The following DZIP3 variants were observed in gnomAD, a reference collection of about 807,000 sequenced individuals.
DZIP3 encodes the protein E3 ubiquitin-protein ligase DZIP3.
DZIP3 carries 118 observed loss-of-function variants against 162.0 expected under a neutral mutation model. The observed-to-expected ratio is 0.73, with a 90% CI of 0.63 to 0.85. DZIP3 has a LOEUF of 0.85. Ranked by LOEUF, DZIP3 falls within the 40% of genes least tolerant of loss-of-function variation. The pLI, the probability that DZIP3 is intolerant of heterozygous loss-of-function variation, is 0.00. For synonymous variants in DZIP3, 438 were observed against 458.6 expected, an observed-to-expected ratio of 0.96 and a Z score of 0.57; for missense variants, 1,331 against 1,407.0, an observed-to-expected ratio of 0.95 and a Z score of 0.86.
At chr3:108,660,653 T>C (rs1943377998) in intron 19 of DZIP3, among the ~76,000 whole-genome samples, 2 of 151,990 alleles carry the variant, frequency 1.3e-5, no homozygotes, top group Non-Finnish European at 2.9e-5. Context: ...CTAATTAAAC[T>C]AAAGAGCTTC....
chr3:108,688,663 C>T lies in DZIP3; in HGVS notation c.3341C>T (p.Ala1114Val), dbSNP rs750995032. The T allele has an allele frequency of 1.1e-5, 17 of 1,614,142 alleles. No individual in the cohort carries two copies. The highest frequency in any genetic ancestry group is 1.3e-5 in the Non-Finnish European group (15 of 1,180,006). ...PSHSPSQPDA[A>V]QPPKPAWRPL... is the part of the protein sequence containing the mutation. ...CATTCTCCATCACAGCCTGATGCTG[C>T]CCAGCCCCCAAAACCAGCCTGGAGG... Residue 1114 changes from alanine to valine, a missense_variant, in exon 30 of 33, where the codon GCC becomes GTC. Physicochemically the swap from Ala to Val is moderately conservative, Grantham distance 64. Around this residue, in one of 2 missense-constraint regions of DZIP3, gnomAD observed 1,278 missense variants for 1,317.1 expected, o/e 0.97. Coordinates refer to ENST00000361582, the MANE Select transcript of DZIP3 (RefSeq NM_014648.4).
intron 10 of DZIP3, among the ~76,000 whole-genome samples, chr3:108,636,272 T>G (rs1236303704): frequency 3.3e-5 from 5 of 151,968 alleles, no homozygotes; most frequent in Non-Finnish European, 7.4e-5. Flanking sequence ...ATTCTTTCCT[T>G]TTCCCTAGAA....
At chr3:108,609,543 A>G (rs1362752403) in intron 3 of DZIP3, among the ~76,000 whole-genome samples, 1 of 152,194 alleles carries the variant, frequency 6.6e-6, no homozygotes, top group Non-Finnish European at 1.5e-5. Context: ...ACTAACTTAA[A>G]TTAAAAGTGT....
At chr3:108,667,315 C>CA (rs1315939805) in intron 21 of DZIP3, among the ~76,000 whole-genome samples, 1 of 152,094 alleles carries the variant, frequency 6.6e-6, no homozygotes, top group African/African-American at 2.4e-5. Context: ...CGGAATGAAA[C>CA]AGTGATATGT....
chr3:108,654,948 C>T (rs1253416867), intron 19 of DZIP3, among the ~76,000 whole-genome samples: 1 of 152,160 alleles, frequency 6.6e-6, no homozygotes, highest in Non-Finnish European at 1.5e-5. Context: ...TAGGAATACT[C>T]ATTGTCTAAG....
intron 26 of DZIP3, 50 bp downstream of exon 26, chr3:108,677,648 G>A: frequency 6.6e-7 from 1 of 1,505,526 alleles, no homozygotes; most frequent in Middle Eastern, 1.7e-4. Context: ...TTGACAAAAT[G>A]GTAAGGGCTG....
intron 24 of DZIP3, 133 bp downstream of exon 24, chr3:108,674,314 T>G (rs1189126447): frequency 2.9e-6 from 2 of 695,770 alleles, no homozygotes; most frequent in Non-Finnish European, 2.2e-6. Flanking sequence ...GTGGTTTTTT[T>G]GGGTTTTTTT....
chr3:108,686,466 C>T lies in DZIP3; in HGVS notation c.3031C>T (p.Leu1011=). Residue 1011 remains leucine (L), a synonymous_variant, in exon 28 of 33, where the codon CTG becomes TTG. Coordinates refer to ENST00000361582, the MANE Select transcript of DZIP3 (RefSeq NM_014648.4). ...ACAGATGACTGGCATAGCCTGGGCT[C>T]TGCCAGCGCCTGTGGGAGACGCTGT... ...APLMTGIAWA[L]PAPVGDAVPP... The T allele has an allele frequency of 1.9e-6, 3 of 1,601,486 alleles. No homozygotes were observed. The highest frequency in any genetic ancestry group is 2.6e-6 in the Non-Finnish European group (3 of 1,175,938).
At chr3:108,593,317 T>G (rs1325294110) in intron 1 of DZIP3, among the ~76,000 whole-genome samples, 2 of 152,132 alleles carry the variant, frequency 1.3e-5, no homozygotes, top group Non-Finnish European at 2.9e-5. Context: ...ATGAAAAAAC[T>G]AAGATAGGAA....
intron 1 of DZIP3, among the ~76,000 whole-genome samples, chr3:108,602,091 C>A (rs1163606087): frequency 1.3e-5 from 2 of 152,068 alleles, no homozygotes; most frequent in Non-Finnish European, 2.9e-5. Context: ...ATTTTGGTAA[C>A]ATTTTAGTCA....
rs149281649 is a variant in DZIP3 at position 108,654,148 on chromosome 3, A to G, written c.2037A>G (p.Pro679=). Reference sequence around the variant, plus strand: ...ATTGATTATGTCACGACTACAGCCCATATGTGGTAGAAAAGGAAGAGCAGT... The same window carrying G: ...ATTGATTATGTCACGACTACAGCCCGTATGTGGTAGAAAAGGAAGAGCAGT... ...KNKDSKEDQV[P]YVVEKEEQLR... The change falls in exon 19 of 33, where the codon CCA becomes CCG. Residue 679 remains proline (P), a synonymous_variant. Transcript: ENST00000361582. The G allele has an allele frequency of 1.1e-3, 1,737 of 1,613,086 alleles. 1 individual carries two copies. Among genetic ancestry groups the G allele is most frequent in the Admixed American group, 1.5e-3 (92 of 60,016 alleles).
chr3:108,623,426 G>T (rs1941458559), intron 5 of DZIP3, among the ~76,000 whole-genome samples: 1 of 152,130 alleles, frequency 6.6e-6, no homozygotes, highest in Non-Finnish European at 1.5e-5. Context: ...CAAGGCAGTG[G>T]ATTCATTTCT....
At chr3:108,643,844 AT>A (rs1465066838) in intron 13 of DZIP3, among the ~76,000 whole-genome samples, 2 of 152,090 alleles carry the variant, frequency 1.3e-5, no homozygotes, top group Non-Finnish European at 2.9e-5. Flanking sequence ...AAATTTCAGA[AT>A]TTTTAAAGAC....
At chr3:108,658,290 C>T (rs1221576461) in intron 19 of DZIP3, among the ~76,000 whole-genome samples, 1 of 152,236 alleles carries the variant, frequency 6.6e-6, no homozygotes, top group Non-Finnish European at 1.5e-5. Context: ...AACAAACTGT[C>T]TCTCAGACCA....
Position 108,688,658 on chromosome 3 carries a change from T to TGGAGTGGCCTCCAG in DZIP3, c.3337_3338insGAGTGGCCTCCAGG (p.Ala1113GlyfsTer42). 1 of 1,614,210 alleles carries TGGAGTGGCCTCCAG rather than the reference T, an allele frequency of 6.2e-7. No individual in the cohort carries two copies. Among genetic ancestry groups the TGGAGTGGCCTCCAG allele is most frequent in the Non-Finnish European group, 8.5e-7 (1 of 1,180,024 alleles). On this transcript the variant is annotated frameshift_variant, in exon 30 of 33. Transcript: ENST00000361582. LOFTEE classifies it high-confidence loss of function. ...CTAGTCATTCTCCATCACAGCCTGA[T>TGGAGTGGCCTCCAG]GCTGCCCAGCCCCCAAAACCAGCCT...
intron 21 of DZIP3, among the ~76,000 whole-genome samples, chr3:108,662,851 T>C (rs1298621048): frequency 2.0e-5 from 3 of 152,214 alleles, no homozygotes; most frequent in Non-Finnish European, 4.4e-5. Context: ...TTCCAACCTG[T>C]ATTTGTTTAA....
intron 1 of DZIP3, among the ~76,000 whole-genome samples, chr3:108,601,967 G>T (rs1489113499): frequency 2.6e-5 from 4 of 152,062 alleles, no homozygotes; most frequent in Non-Finnish European, 4.4e-5. Flanking sequence ...ATTTGAGATT[G>T]AGCTTCATCT....
At chr3:108,596,720 T>A (rs1037570093) in intron 1 of DZIP3, among the ~76,000 whole-genome samples, 7 of 152,220 alleles carry the variant, frequency 4.6e-5, no homozygotes, top group African/African-American at 1.7e-4. Context: ...GAGTTCATTT[T>A]TTAAAGCAAT....
intron 5 of DZIP3, among the ~76,000 whole-genome samples, chr3:108,619,377 A>G (rs1259904373): frequency 6.6e-6 from 1 of 152,016 alleles, no homozygotes; most frequent in Non-Finnish European, 1.5e-5. Flanking sequence ...ATATACATAT[A>G]CATGATTATA....
Sources: allele counts gnomAD v4.1 joint callset (sites outside exome capture counted in the v4.1 genomes callset), GRCh38; gene constraint gnomAD v4.1.1; regional missense constraint gnomAD v4.1.1; transcripts MANE v1.5; gene names NCBI Gene and HGNC (gene_info 2026-07-23, HGNC 2026-07-21).